Variants in ATF5 observed in about 807,000 individuals in gnomAD.
ATF5 encodes the protein cyclic AMP-dependent transcription factor ATF-5.
ATF5 carries 6 observed loss-of-function variants against 4.6 expected under a neutral mutation model. That is an observed-to-expected ratio of 1.31 (90% confidence interval 0.72 to 2.59). The LOEUF (loss-of-function observed/expected upper bound fraction) is 2.59, where lower values mean the gene tolerates loss of function less well. ATF5 is among the 30% of genes most tolerant of loss of function. ATF5 has a pLI of 0.00. For missense variants in ATF5, 410 were observed against 368.7 expected (o/e 1.11, Z -0.92); for synonymous variants, 193 against 165.0 (o/e 1.17, Z -1.30).
At position 49,930,885 on chromosome 19, in the gene ATF5, ACAGGGCCCTGCTCC is replaced by A; in HGVS notation, c.39_52del (p.Arg13SerfsTer2). 1 of 1,608,748 alleles carries A rather than the reference ACAGGGCCCTGCTCC, an allele frequency of 6.2e-7. No individual in the cohort carries two copies. The highest frequency in any genetic ancestry group is 1.1e-5 in the South Asian group (1 of 90,454). On this transcript the variant is annotated frameshift_variant, in exon 2 of 3. Coordinates refer to ENST00000423777, the MANE Select transcript of ATF5 (RefSeq NM_001193646.2). LOFTEE classifies it high-confidence loss of function. ...CTGGCGACCCTGGGGCTGGAGCTGG[ACAGGGCCCTGCTCC>A]CAGCTAGTGGGCTGGGATGGCTCGT...
Position 49,932,612 on chromosome 19 carries a change from A to ACCCCCCCCC in ATF5, c.371_372insCCCCCCCCC (p.Pro123_Pro125dup). On this transcript the variant is annotated inframe_insertion, in exon 3 of 3. Transcript: ENST00000423777. The stretch of plus-strand genomic sequence containing the variant: ...TCTTCCTAGATGCCCCGCCCCTCCC[A>ACCCCCCCCC]CCACCCTCCCCGCCGCCACTACCAC... The ACCCCCCCCC allele has an allele frequency of 3.1e-6, 3 of 983,128 alleles. No homozygotes were observed. The highest frequency in any genetic ancestry group is 4.1e-6 in the Non-Finnish European group (3 of 723,306). 60.9% of individuals were successfully genotyped at this position (983,128 alleles called of 1,614,324 possible).
rs1175916368 is a variant in ATF5 at position 49,931,800 on chromosome 19, ATAAT to A, written c.179-617_179-614del. Among the ~76,000 whole-genome samples the A allele has an allele frequency of 3.3e-5, 5 of 151,932 alleles. No individual in the cohort carries two copies. In the East Asian group the frequency reaches 5.8e-4, roughly 18 times the overall value. On this transcript the variant is annotated intron_variant, in intron 2 of 2. Transcript: ENST00000423777. Reference sequence around the variant, plus strand: ...ATGCTTGGCACATAGTGGGTTTTCAATAATTAATGAGTAAAGATGAAACAAGGCA... The same window carrying A: ...ATGCTTGGCACATAGTGGGTTTTCAATAATGAGTAAAGATGAAACAAGGCA...
rs748760241 is a variant in ATF5 at position 49,933,023 on chromosome 19, G to A, written c.780G>A (p.Glu260=). 1.7e-5 allele frequency: 28 copies of A among 1,613,656 alleles called. No individual in the cohort carries two copies. Among genetic ancestry groups the A allele is most frequent in the Non-Finnish European group, 2.3e-5 (27 of 1,179,694 alleles). Reference sequence around the variant, plus strand: ...AACGGGCAGAGTCCGTGGAGCGCGAGATCCAGTACGTCAAGGACCTGCTCA... The same window carrying A: ...AACGGGCAGAGTCCGTGGAGCGCGAAATCCAGTACGTCAAGGACCTGCTCA... ...LKERAESVER[E]IQYVKDLLIE... The change falls in exon 3 of 3, where the codon GAG becomes GAA. Residue 260 remains glutamate (E), a synonymous_variant. Coordinates refer to ENST00000423777, the MANE Select transcript of ATF5 (RefSeq NM_001193646.2).
At chr19:49,930,667 C>G (rs2076045129) in intron 1 of ATF5, 65 bp from the exon 2 acceptor site, 1 of 437,012 alleles carries the variant, frequency 2.3e-6, no homozygotes, top group South Asian at 6.5e-5. Context: ...GGCTTGGCTT[C>G]CCCTTGATTT....
Position 49,932,960 on chromosome 19 carries a change from G to A in ATF5, c.717G>A (p.Glu239=). ...KRAEGEALEG[E]CQGLEARNRE... ...CAGAGGGTGAGGCCCTGGAGGGCGA[G>A]TGCCAGGGGCTGGAGGCACGGAATC... The change falls in exon 3 of 3, where the codon GAG becomes GAA. Residue 239 remains glutamate (E), a synonymous_variant. Transcript: ENST00000423777. 2 of 1,614,080 alleles carry A rather than the reference G, an allele frequency of 1.2e-6. No homozygotes were observed. Among genetic ancestry groups the A allele is most frequent in the Non-Finnish European group, 1.7e-6 (2 of 1,179,986 alleles).
In ATF5 at chr19:49,932,882, G is replaced by A. The variant is rs953693868; in HGVS notation, c.639G>A (p.Lys213=). 3 of 1,613,448 alleles carry A rather than the reference G, an allele frequency of 1.9e-6. No individual in the cohort carries two copies. The African/African-American group carries it at 4.0e-5, about 22-fold the overall frequency. Reference sequence around the variant, plus strand: ...CCACCCGAGGGGACCGCAAGCAAAAGAAGAGAGACCAGAACAAGTCGGCGG... The same window carrying A: ...CCACCCGAGGGGACCGCAAGCAAAAAAAGAGAGACCAGAACAAGTCGGCGG... ...PATTRGDRKQ[K]KRDQNKSAAL... is the part of the protein sequence containing the mutation. Residue 213 remains lysine, a synonymous_variant, in exon 3 of 3, where the codon AAG becomes AAA. Transcript: ENST00000423777.
intron 1 of ATF5, chr19:49,929,739 C>T (rs1270663119): frequency 3.3e-5 from 5 of 152,242 alleles, no homozygotes; most frequent in Non-Finnish European, 5.9e-5. Flanking sequence ...GCTGCGGACC[C>T]TGAATGGCCG....
At chr19:49,930,121 G>A (rs2076034027) in intron 1 of ATF5, 1 of 151,944 alleles carries the variant, frequency 6.6e-6, no homozygotes, top group African/African-American at 2.4e-5. Context: ...GTTAGTTGAG[G>A]GGTGGGGTTT....
Position 49,933,500 on chromosome 19 carries a change from G to A in ATF5, c.*408G>A, listed in dbSNP as rs1010335641. On this transcript the variant is annotated 3_prime_UTR_variant, in exon 3 of 3. Transcript: ENST00000423777. Reference sequence around the variant, plus strand: ...AACAGCCGAGGCACCGAGGCCCACAGGGAAGCAGCTGGGAGCTTGGAAACC... The same window carrying A: ...AACAGCCGAGGCACCGAGGCCCACAAGGAAGCAGCTGGGAGCTTGGAAACC... 4.4e-5 allele frequency: 7 copies of A among 160,644 alleles called. No individual in the cohort carries two copies. The highest frequency in any genetic ancestry group is 8.1e-5 in the Non-Finnish European group (6 of 73,942). 10.0% of individuals were successfully genotyped at this position (160,644 alleles called of 1,614,324 possible). A position where few individuals can be genotyped will look rare whatever the true frequency, so the allele number is the denominator to read the frequency against.
chr19:49,931,663 G>A (rs2076065126), intron 2 of ATF5, among the ~76,000 whole-genome samples: 2 of 151,942 alleles, frequency 1.3e-5, no homozygotes, highest in East Asian at 3.9e-4. Flanking sequence ...TAAAAAAAAA[G>A]TAGGGAAGGA....
rs2122846394 is a variant in ATF5 at position 49,932,477 on chromosome 19, T to C, written c.234T>C (p.Pro78=). 3.7e-6 allele frequency: 6 copies of C among 1,613,350 alleles called. No individual in the cohort carries two copies. The highest frequency in any genetic ancestry group is 5.1e-6 in the Non-Finnish European group (6 of 1,179,646). ...TERVDFTALL[P]LEPPLPPGTL... is the part of the protein sequence containing the mutation. ...GAGTTGATTTCACAGCTCTCCTCCCTCTGGAGCCTCCCTTACCCCCCGGCA... is the reference window on the plus strand; with the variant it reads ...GAGTTGATTTCACAGCTCTCCTCCCCCTGGAGCCTCCCTTACCCCCCGGCA... The change falls in exon 3 of 3, where the codon CCT becomes CCC. Residue 78 remains proline, a synonymous_variant. Transcript: ENST00000423777.
Position 49,930,802 on chromosome 19 carries a change from G to A in ATF5, c.-49G>A, listed in dbSNP as rs918102297. Reference sequence around the variant, plus strand: ...CCTCCAGAGCCTCGTGCCAGCTGCTGGTGCAGCCTCTCCTGTTGCCATCAG... The same window carrying A: ...CCTCCAGAGCCTCGTGCCAGCTGCTAGTGCAGCCTCTCCTGTTGCCATCAG... On this transcript the variant is annotated 5_prime_UTR_variant, in exon 2 of 3. Transcript: ENST00000423777. 3 of 1,469,436 alleles carry A rather than the reference G, an allele frequency of 2.0e-6. No homozygotes were observed. Among genetic ancestry groups the A allele is most frequent in the African/African-American group, 2.8e-5 (2 of 70,588 alleles). 91.0% of individuals were successfully genotyped at this position (1,469,436 alleles called of 1,614,324 possible). A position where few individuals can be genotyped will look rare whatever the true frequency, so the allele number is the denominator to read the frequency against.
chr19:49,932,596 A>G lies in ATF5; in HGVS notation c.353A>G (p.Asp118Gly), dbSNP rs1397712396. 1 of 1,577,116 alleles carries G rather than the reference A, an allele frequency of 6.3e-7. No individual in the cohort carries two copies. Among genetic ancestry groups the G allele is most frequent in the South Asian group, 1.1e-5 (1 of 87,028 alleles). ...GAACAGATGGAAGACTTCTTCCTAG[A>G]TGCCCCGCCCCTCCCACCACCCTCC... ...ELEQMEDFFL[D>G]APPLPPPSPP... Residue 118 changes from aspartate to glycine, a missense_variant, in exon 3 of 3, where the codon GAT (aspartate) becomes GGT (glycine). By Grantham distance (94) the Asp-to-Gly change is moderately conservative. Coordinates refer to ENST00000423777, the MANE Select transcript of ATF5 (RefSeq NM_001193646.2).
At chr19:49,932,378 C>T in intron 2 of ATF5, 44 bp from the exon 3 acceptor site, 2 of 1,605,434 alleles carry the variant, frequency 1.2e-6, no homozygotes, top group Non-Finnish European at 1.7e-6. Context: ...CGCAGAAGAC[C>T]AGCAACTCAG....
At position 49,932,500 on chromosome 19, in the gene ATF5, G is replaced by GCCCCCCCCCC; in HGVS notation, c.258_259insCCCCCCCCCC (p.Thr87ProfsTer14). ...CCTCTGGAGCCTCCCTTACCCCCCG[G>GCCCCCCCCCC]CACCCTCCCCCAACCTTCCCCAACC... On this transcript the variant is annotated frameshift_variant, in exon 3 of 3. Transcript: ENST00000423777. LOFTEE classifies it low-confidence loss of function (END_TRUNC). The GCCCCCCCCCC allele has an allele frequency of 1.4e-6, 2 of 1,430,906 alleles. No individual in the cohort carries two copies. The highest frequency in any genetic ancestry group is 9.5e-7 in the Non-Finnish European group (1 of 1,052,654). 88.6% of individuals were successfully genotyped at this position (1,430,906 alleles called of 1,614,324 possible).
chr19:49,932,603 G>GCTCCTCCCCCCCCCCCCCCCCCCCCC lies in ATF5; in HGVS notation c.361_362insTCCTCCCCCCCCCCCCCCCCCCCCCC (p.Pro121LeufsTer112). On this transcript the variant is annotated frameshift_variant, in exon 3 of 3. Coordinates refer to ENST00000423777, the MANE Select transcript of ATF5 (RefSeq NM_001193646.2). LOFTEE classifies it low-confidence loss of function (END_TRUNC). ...TGGAAGACTTCTTCCTAGATGCCCCGCCCCTCCCACCACCCTCCCCGCCGC... is the reference window on the plus strand; with the variant it reads ...TGGAAGACTTCTTCCTAGATGCCCCGCTCCTCCCCCCCCCCCCCCCCCCCCCCCCCTCCCACCACCCTCCCCGCCGC... 2 of 1,396,458 alleles carry GCTCCTCCCCCCCCCCCCCCCCCCCCC rather than the reference G, an allele frequency of 1.4e-6. No homozygotes were observed. The highest frequency in any genetic ancestry group is 1.6e-5 in the African/African-American group (1 of 61,656). 86.5% of individuals were successfully genotyped at this position (1,396,458 alleles called of 1,614,324 possible).
chr19:49,928,962 C>T (rs960749128), upstream of ATF5: 26 of 152,672 alleles, frequency 1.7e-4, no homozygotes, highest in African/African-American at 5.8e-4. Flanking sequence ...AACCAGACCC[C>T]GGAGCCACAA....
At position 49,930,947 on chromosome 19, in the gene ATF5, G is replaced by T; in HGVS notation, c.97G>T (p.Ala33Ser). 5 of 1,601,038 alleles carry T rather than the reference G, an allele frequency of 3.1e-6. No individual in the cohort carries two copies. The South Asian group carries it at 5.6e-5, about 18-fold the overall frequency. The part of the protein sequence containing the change: ...WLVDYGKLPP[A>S]PAPLAPYEVL... ...CGTAGACTATGGGAAACTCCCCCCGGCCCCTGCCCCCCTGGCTCCCTATGA... is the reference window on the plus strand; with the variant it reads ...CGTAGACTATGGGAAACTCCCCCCGTCCCCTGCCCCCCTGGCTCCCTATGA... The change falls in exon 2 of 3, where the codon GCC (alanine) becomes TCC (serine). Residue 33 changes from alanine to serine, a missense_variant. Physicochemically the swap from Ala to Ser is moderately conservative, Grantham distance 99. Transcript: ENST00000423777.
Position 49,930,812 on chromosome 19 carries a change from C to A in ATF5, c.-39C>A. On this transcript the variant is annotated 5_prime_UTR_variant, in exon 2 of 3. Transcript: ENST00000423777. ...CTCGTGCCAGCTGCTGGTGCAGCCT[C>A]TCCTGTTGCCATCAGTGCCCAGCAC... 6.6e-7 allele frequency: 1 copy of A among 1,511,972 alleles called. No homozygotes were observed. Among genetic ancestry groups the A allele is most frequent in the Non-Finnish European group, 8.9e-7 (1 of 1,124,702 alleles). The allele number at this position is 1,511,972 out of a possible 1,614,324, so 93.7% of individuals were successfully genotyped here. A position where few individuals can be genotyped will look rare whatever the true frequency, so the allele number is the denominator to read the frequency against.
Sources: allele counts gnomAD v4.1 joint callset (sites outside exome capture counted in the v4.1 genomes callset), GRCh38; gene constraint gnomAD v4.1.1; transcripts MANE v1.5; gene names NCBI Gene and HGNC (gene_info 2026-07-23, HGNC 2026-07-21).